The following BUB1B variants were observed in gnomAD, a reference collection of about 807,000 sequenced individuals.
BUB1B encodes the protein BUB1 mitotic checkpoint serine/threonine kinase B.
A neutral mutation model predicts 137.7 loss-of-function variants in BUB1B; 86 were observed. The ratio of observed to expected loss-of-function variants is 0.62; its 90% CI spans 0.52 to 0.75. The LOEUF is 0.75. BUB1B is among the 30% of genes least tolerant of loss of function. The pLI is 0.00. For synonymous variants in BUB1B, 420 were observed against 417.9 expected (o/e 1.00, Z -0.06); for missense variants, 1,130 against 1,236.9 (o/e 0.91, Z 1.30).
At chr15:40,181,380 C>A (rs891725324) in intron 5 of BUB1B, among the ~76,000 whole-genome samples, 2 of 152,168 alleles carry the variant, frequency 1.3e-5, no homozygotes, top group African/African-American at 4.8e-5. Context: ...CGTGAACCAC[C>A]ACGCCTGGCC....
At chr15:40,161,302 G>T in intron 1 of BUB1B, 47 bp downstream of exon 1, 1 of 1,592,584 alleles carries the variant, frequency 6.3e-7, no homozygotes. Context: ...AGAGGACACG[G>T]CCTGGTAGGT....
chr15:40,177,576 C>T (rs894232070), intron 5 of BUB1B, among the ~76,000 whole-genome samples: 7 of 151,772 alleles, frequency 4.6e-5, no homozygotes, highest in African/African-American at 1.2e-4. Flanking sequence ...TTTTTTCTAC[C>T]GATGTACGTG....
intron 20 of BUB1B, among the ~76,000 whole-genome samples, chr15:40,217,200 C>G (rs1009948461): frequency 1.3e-5 from 2 of 152,154 alleles, no homozygotes; most frequent in Admixed American, 1.3e-4. Flanking sequence ...AGGGAAGAAG[C>G]CTGTGCTCTG....
Position 40,176,354 on chromosome 15 carries a change from T to C in BUB1B, c.385-123T>C, listed in dbSNP as rs77660365. On this transcript the variant is annotated intron_variant, in intron 4 of 22. Transcript: ENST00000287598. Reference sequence around the variant, plus strand: ...CCTCCCAGTATGGTCCTTATCACATTGTAATAATAGATTTTTTTTTCAATA... The same window carrying C: ...CCTCCCAGTATGGTCCTTATCACATCGTAATAATAGATTTTTTTTTCAATA... 7.2e-3 allele frequency: 6,716 copies of C among 929,610 alleles called. 303 individuals are homozygous for C. The African/African-American group carries it at 0.098, about 14-fold the overall frequency. 57.6% of individuals were successfully genotyped at this position (929,610 alleles called of 1,614,324 possible). A position where few individuals can be genotyped will look rare whatever the true frequency, so the allele number is the denominator to read the frequency against.
At chr15:40,201,323 GTTTTC>G (rs1442756485) in intron 12 of BUB1B, among the ~76,000 whole-genome samples, 1 of 152,146 alleles carries the variant, frequency 6.6e-6, no homozygotes, top group East Asian at 1.9e-4. Flanking sequence ...ACTCAAATTG[GTTTTC>G]TTTTCTTCAA....
At chr15:40,168,373 A>G (rs936070469) in intron 2 of BUB1B, among the ~76,000 whole-genome samples, 9 of 152,182 alleles carry the variant, frequency 5.9e-5, no homozygotes, top group Admixed American at 5.9e-4. Flanking sequence ...GTCTCAAAAA[A>G]AAAAGAAAAG....
At chr15:40,189,456 A>G (rs4923857) in intron 8 of BUB1B, among the ~76,000 whole-genome samples, 109,066 of 152,184 alleles carry the variant, frequency 0.72, 39,988 homozygotes, top group African/African-American at 0.84. Context: ...CACTGCGTCC[A>G]GGCAGTGTAT....
chr15:40,202,142 G>A (rs753656382), intron 12 of BUB1B, among the ~76,000 whole-genome samples: 5 of 152,090 alleles, frequency 3.3e-5, no homozygotes, highest in Non-Finnish European at 7.4e-5. Context: ...TGACATGTCT[G>A]GAATTTGCTT....
Position 40,176,641 on chromosome 15 carries a change from T to C in BUB1B, c.549T>C (p.Ala183=). 1 of 1,614,196 alleles carries C rather than the reference T, an allele frequency of 6.2e-7. No individual in the cohort carries two copies. Among genetic ancestry groups the C allele is most frequent in the South Asian group, 1.1e-5 (1 of 91,090 alleles). Residue 183 remains alanine (A), a synonymous_variant, in exon 5 of 23, where the codon GCT becomes GCC. Transcript: ENST00000287598. ...TTCAGGAAGGGATTCAACAGAAGGC[T>C]GAACCACTAGAAAGACTACAGTCCC... ...AIFQEGIQQK[A]EPLERLQSQH... is the part of the protein sequence containing the mutation.
At chr15:40,174,182 G>A (rs538009863) in intron 4 of BUB1B, among the ~76,000 whole-genome samples, 2 of 152,264 alleles carry the variant, frequency 1.3e-5, no homozygotes, top group African/African-American at 4.8e-5. Context: ...TCAAAATAGT[G>A]AAATCAATGT....
At chr15:40,188,848 C>T (rs542022238) in intron 8 of BUB1B, among the ~76,000 whole-genome samples, 83 of 151,788 alleles carry the variant, frequency 5.5e-4, no homozygotes, top group Non-Finnish European at 1.1e-3. Context: ...CCCAAAGTGC[C>T]GGGATTACAG....
rs555918648 is a variant in BUB1B, at chr15:40,193,468, CT to C, written c.1059-3053del. ...TTTTTTTTTTATATGCTTATTACCA[CT>C]TTTTTTTTTTTTTTTTTTTTTTTCC... On this transcript the variant is annotated intron_variant, in intron 8 of 22. Transcript: ENST00000287598. Among the ~76,000 whole-genome samples, 773 of 79,624 alleles carry C rather than the reference CT, an allele frequency of 9.7e-3. 10 individuals are homozygous for C. Among genetic ancestry groups the C allele is most frequent in the African/African-American group, 0.034 (674 of 19,860 alleles). The allele number at this position is 79,624 out of a possible 152,430, so 52.2% of individuals were successfully genotyped here.
intron 1 of BUB1B, among the ~76,000 whole-genome samples, chr15:40,164,664 T>G (rs1264636399): frequency 6.9e-6 from 1 of 144,886 alleles, no homozygotes; most frequent in African/African-American, 2.5e-5. Context: ...TCATTTTTCT[T>G]TTTTTTTTTT....
intron 19 of BUB1B, 112 bp from the exon 20 acceptor site, chr15:40,213,220 C>T (rs954372550): frequency 1.2e-5 from 14 of 1,159,622 alleles, no homozygotes; most frequent in Middle Eastern, 2.8e-4. Flanking sequence ...GAGGTGCCTA[C>T]GTTCCAGTAG....
intron 6 of BUB1B, among the ~76,000 whole-genome samples, chr15:40,184,689 G>A (rs1595519419): frequency 6.6e-6 from 1 of 152,014 alleles, no homozygotes; most frequent in East Asian, 1.9e-4. Context: ...GGTCCCAAAG[G>A]CTATTTCATC....
chr15:40,220,760 G>A lies in BUB1B; in HGVS notation c.*1G>A. On this transcript the variant is annotated 3_prime_UTR_variant, in exon 23 of 23. Coordinates refer to ENST00000287598, the MANE Select transcript of BUB1B (RefSeq NM_001211.6). ...TCCTGGGGCTTTGCTCTTTCAGTGA[G>A]CTAGGCAATCAAGTCTCACAGATTG... The A allele has an allele frequency of 6.2e-7, 1 of 1,613,864 alleles. No individual in the cohort carries two copies. The highest frequency in any genetic ancestry group is 8.5e-7 in the Non-Finnish European group (1 of 1,179,764).
intron 6 of BUB1B, 124 bp from the exon 7 acceptor site, chr15:40,185,041 C>CTTT: frequency 2.3e-5 from 14 of 599,090 alleles, no homozygotes; most frequent in South Asian, 4.5e-5. Flanking sequence ...TTTAAAATTT[C>CTTT]TTTTTTTTTT....
intron 4 of BUB1B, among the ~76,000 whole-genome samples, chr15:40,173,797 G>T (rs185511188): frequency 6.6e-6 from 1 of 152,244 alleles, no homozygotes; most frequent in East Asian, 1.9e-4. Context: ...GGCTAACGAG[G>T]TACATATTAA....
intron 2 of BUB1B, among the ~76,000 whole-genome samples, chr15:40,167,584 G>A (rs908348559): frequency 8.6e-5 from 13 of 152,012 alleles, no homozygotes; most frequent in South Asian, 8.3e-4. Flanking sequence ...CAGGTGATCC[G>A]CCCGCCTCGG....
Sources: gnomAD v4.1 joint callset for allele counts (sites outside exome capture counted in the v4.1 genomes callset) on GRCh38, gnomAD v4.1.1 for gene constraint, MANE v1.5 for transcripts, NCBI Gene and HGNC (gene_info 2026-07-23, HGNC 2026-07-21) for gene names.